The following TPTE2 variants were observed in gnomAD, a reference collection of about 807,000 sequenced individuals.
TPTE2 encodes phosphatidylinositol 3,4,5-trisphosphate 3-phosphatase TPTE2.
In TPTE2, 53 loss-of-function variants were observed where a neutral mutation model predicts 78.6. The ratio of observed to expected loss-of-function variants is 0.67; its 90% CI spans 0.54 to 0.85. The LOEUF (loss-of-function observed/expected upper bound fraction) is 0.85, where lower values mean the gene tolerates loss of function less well. Ranked by LOEUF, TPTE2 falls within the 40% of genes least tolerant of loss-of-function variation. TPTE2 has a pLI of 0.00. For missense variants in TPTE2, 461 were observed against 623.0 expected (o/e 0.74, Z 2.77); for synonymous variants, 175 against 206.2 (o/e 0.85, Z 1.30).
At chr13:19,477,791 G>T (rs1774338937) in intron 4 of TPTE2, among the ~76,000 whole-genome samples, 1 of 152,182 alleles carries the variant, frequency 6.6e-6, no homozygotes, top group Non-Finnish European at 1.5e-5. Flanking sequence ...GTTAAAAAAA[G>T]TGTACTATGT....
At chr13:19,489,601 T>A (rs1880868848) in intron 3 of TPTE2, among the ~76,000 whole-genome samples, 1 of 150,342 alleles carries the variant, frequency 6.7e-6, no homozygotes, top group African/African-American at 2.4e-5. Context: ...TAGATATATA[T>A]ATACACACAT....
At chr13:19,490,252 T>C (rs1214866713) in intron 3 of TPTE2, among the ~76,000 whole-genome samples, 4 of 152,192 alleles carry the variant, frequency 2.6e-5, no homozygotes, top group African/African-American at 9.7e-5. Context: ...TACCACTCAT[T>C]GCTCTTTTTA....
intron 13 of TPTE2, among the ~76,000 whole-genome samples, chr13:19,441,712 T>A (rs969549862): frequency 1.3e-5 from 2 of 152,202 alleles, no homozygotes; most frequent in Non-Finnish European, 2.9e-5. Flanking sequence ...ATTAATGACA[T>A]AATATTGACA....
At chr13:19,530,216 T>C (rs1870779568) in intron 1 of TPTE2, among the ~76,000 whole-genome samples, 1 of 152,162 alleles carries the variant, frequency 6.6e-6, no homozygotes, top group Admixed American at 6.5e-5. Context: ...GGTATTAAAT[T>C]CCTATAAATT....
At chr13:19,424,107 G>A (rs1017463300) in intron 19 of TPTE2, among the ~76,000 whole-genome samples, 2 of 152,160 alleles carry the variant, frequency 1.3e-5, no homozygotes, top group Non-Finnish European at 2.9e-5. Flanking sequence ...TCCAGTTCAC[G>A]TTTGAAGAAA....
intron 3 of TPTE2, among the ~76,000 whole-genome samples, chr13:19,484,006 T>G (rs1320318032): frequency 7.2e-6 from 1 of 139,434 alleles, no homozygotes; most frequent in Non-Finnish European, 1.5e-5. Flanking sequence ...TATTCCCACC[T>G]ATGAGTGAGA....
rs1253374069 is a variant in TPTE2, at chr13:19,489,027, CAG to C, written c.119+3821_119+3822del. ...GCCTACTTTCAATATTGTTGTGACT[CAG>C]GGAATAGGGAGGCCCAAGGAGAAGG... On this transcript the variant is annotated intron_variant, in intron 3 of 19. Coordinates refer to ENST00000400230, the Ensembl canonical transcript of TPTE2. Among the ~76,000 whole-genome samples, 6 of 152,058 alleles carry C rather than the reference CAG, an allele frequency of 3.9e-5. No individual in the cohort carries two copies. The East Asian group carries it at 1.2e-3, about 29-fold the overall frequency.
Position 19,467,109 on chromosome 13 carries a change from A to G in TPTE2, c.512+116T>C, listed in dbSNP as rs1382795248. The G allele has an allele frequency of 6.3e-6, 8 of 1,265,054 alleles. No homozygotes were observed. In the Admixed American group the frequency reaches 1.1e-4, roughly 18 times the overall value. 78.4% of individuals were successfully genotyped at this position (1,265,054 alleles called of 1,614,324 possible). A position where few individuals can be genotyped will look rare whatever the true frequency, so the allele number is the denominator to read the frequency against. On this transcript the variant is annotated intron_variant, in intron 7 of 19. Transcript: ENST00000400230. ...TACCCAAACATTTCATTTTAAAGCA[A>G]TGTATTTGGTATAGATGAGAACATT...
At chr13:19,431,293 A>G (rs1398092122) in intron 16 of TPTE2, among the ~76,000 whole-genome samples, 11 of 152,260 alleles carry the variant, frequency 7.2e-5, no homozygotes, top group Non-Finnish European at 2.9e-5. Context: ...TTCCTGATGC[A>G]ATCTCTATAA....
In TPTE2 at chr13:19,432,635, TC is replaced by T. The variant is rs1376810580; in HGVS notation, c.1117-58del. The stretch of plus-strand genomic sequence containing the variant: ...GAGATGAAAAGTCTAAAGTCAGCAT[TC>T]CTTTTTTTTTTTTTTTTTGCATAAA... On this transcript the variant is annotated intron_variant, in intron 15 of 19. Transcript: ENST00000400230. 1.3e-5 allele frequency: 14 copies of T among 1,041,742 alleles called. No homozygotes were observed. The South Asian group carries it at 2.1e-4, about 16-fold the overall frequency. The allele number at this position is 1,041,742 out of a possible 1,614,324, so 64.5% of individuals were successfully genotyped here. A position where few individuals can be genotyped will look rare whatever the true frequency, so the allele number is the denominator to read the frequency against.
chr13:19,560,979 A>C, the TPTE2 span: 1 of 1,588,380 alleles, frequency 6.3e-7, no homozygotes, highest in South Asian at 1.1e-5. Context: ...TCACAGGATG[A>C]CACACCGCAG....
At chr13:19,477,616 A>G (rs147124139) in intron 4 of TPTE2, among the ~76,000 whole-genome samples, 3 of 152,190 alleles carry the variant, frequency 2.0e-5, no homozygotes. Flanking sequence ...TCCAGGTATC[A>G]AGGAAATGTC....
intron 1 of TPTE2, among the ~76,000 whole-genome samples, chr13:19,530,292 CAG>C (rs1196328356): frequency 1.3e-5 from 2 of 152,150 alleles, no homozygotes; most frequent in Non-Finnish European, 2.9e-5. Context: ...ATACACAGCA[CAG>C]AGTCAGTCTG....
rs555150161 is a variant in TPTE2 at position 19,496,936 on chromosome 13, G to T, written c.12-3435C>A. Among the ~76,000 whole-genome samples, 3 of 152,248 alleles carry T rather than the reference G, an allele frequency of 2.0e-5. No individual in the cohort carries two copies. In the South Asian group the frequency reaches 6.2e-4, roughly 32 times the overall value. ...CCAGACAGTGGGCGCAGGTCAGTGG[G>T]TGCGCGCACCGTGCGCGAGCCGAAG... On this transcript the variant is annotated intron_variant, in intron 1 of 19. Coordinates refer to ENST00000400230, the Ensembl canonical transcript of TPTE2.
intron 13 of TPTE2, among the ~76,000 whole-genome samples, chr13:19,444,409 T>C (rs754336395): frequency 7.1e-6 from 1 of 140,000 alleles, no homozygotes; most frequent in Non-Finnish European, 1.6e-5. Context: ...ATGAACTGCA[T>C]TTAAAACAAC....
chr13:19,508,767 T>C (rs1869240137), intron 1 of TPTE2, among the ~76,000 whole-genome samples: 1 of 152,192 alleles, frequency 6.6e-6, no homozygotes, highest in African/African-American at 2.4e-5. Context: ...AAATTTATGA[T>C]GATAAATTTC....
chr13:19,552,420 A>T, the TPTE2 span, among the ~76,000 whole-genome samples: 3 of 152,066 alleles, frequency 2.0e-5, no homozygotes, highest in Non-Finnish European at 2.9e-5. Context: ...AAGTCTTTTT[A>T]AAAAAACCTT....
At chr13:19,495,052 T>G (rs1881224199) in intron 1 of TPTE2, among the ~76,000 whole-genome samples, 1 of 152,220 alleles carries the variant, frequency 6.6e-6, no homozygotes. Context: ...ACAGCATTTT[T>G]GGAGAGCATT....
chr13:19,496,655 C>A (rs572572838), intron 1 of TPTE2, among the ~76,000 whole-genome samples: 1 of 152,318 alleles, frequency 6.6e-6, no homozygotes, highest in South Asian at 2.1e-4. Flanking sequence ...TTCTTTTCTG[C>A]CCAGGGCTTC....
Sources: gnomAD v4.1 joint callset for allele counts (sites outside exome capture counted in the v4.1 genomes callset) on GRCh38, gnomAD v4.1.1 for gene constraint, MANE v1.5 for transcripts, NCBI Gene and HGNC (gene_info 2026-07-23, HGNC 2026-07-21) for gene names.